MAMDC2: variants seen among roughly 807,000 people sequenced by gnomAD.
MAMDC2 encodes the protein MAM domain containing 2.
In MAMDC2, 57 loss-of-function variants were observed where a neutral mutation model predicts 89.8. The ratio of observed to expected loss-of-function variants is 0.63; its 90% CI spans 0.51 to 0.79. MAMDC2 has a LOEUF of 0.79. Ranked by LOEUF, MAMDC2 falls within the 30% of genes least tolerant of loss-of-function variation. The pLI, the probability that MAMDC2 is intolerant of heterozygous loss-of-function variation, is 0.00. For missense variants in MAMDC2, 800 were observed against 820.6 expected (o/e 0.97, Z 0.31); for synonymous variants, 313 against 293.4 (o/e 1.07, Z -0.68).
At chr9:70,166,789 T>C (rs2032191422) in intron 9 of MAMDC2, among the ~76,000 whole-genome samples, 1 of 152,198 alleles carries the variant, frequency 6.6e-6, no homozygotes, top group Admixed American at 6.5e-5. Context: ...ATGATTTAGA[T>C]GGTGAACCAT....
At chr9:70,182,319 T>C (rs1322146905) in intron 11 of MAMDC2, among the ~76,000 whole-genome samples, 1 of 152,196 alleles carries the variant, frequency 6.6e-6, no homozygotes, top group African/African-American at 2.4e-5. Context: ...AAATTTTCTT[T>C]TTTTGTTGTG....
At position 70,044,643 on chromosome 9, in the gene MAMDC2, A is replaced by C. The variant is rs760315733; in HGVS notation, c.94A>C (p.Thr32Pro). 5 of 1,551,466 alleles carry C rather than the reference A, an allele frequency of 3.2e-6. No homozygotes were observed. Among genetic ancestry groups the C allele is most frequent in the Non-Finnish European group, 3.5e-6 (4 of 1,146,986 alleles). The change falls in exon 2 of 14, where the codon ACT (threonine) becomes CCT (proline). Residue 32 changes from threonine (T) to proline (P), a missense_variant. Transcript: ENST00000377182. The part of the protein sequence containing the change: ...PAGSCAFEES[T>P]CGFDSVLASL... ...TGGGTCCTGTGCCTTTGAAGAGAGC[A>C]CTTGCGGCTTTGACTCCGTGTTGGC...
intron 9 of MAMDC2, 51 bp downstream of exon 9, chr9:70,143,870 T>C (rs767458466): frequency 4.1e-5 from 65 of 1,587,738 alleles, no homozygotes; most frequent in Non-Finnish European, 5.2e-5. Context: ...CTGGACTAGT[T>C]TTGTGAATGT....
intron 7 of MAMDC2, among the ~76,000 whole-genome samples, chr9:70,138,160 T>C (rs910494003): frequency 6.6e-5 from 10 of 152,190 alleles, no homozygotes; most frequent in Non-Finnish European, 1.2e-4. Context: ...ATGTAGTATT[T>C]GTGTTTCTGT....
intron 11 of MAMDC2, among the ~76,000 whole-genome samples, chr9:70,185,733 C>A (rs2032741306): frequency 6.6e-6 from 1 of 152,190 alleles, no homozygotes; most frequent in Non-Finnish European, 1.5e-5. Flanking sequence ...TCCTCTCACA[C>A]CAAACTCCAT....
chr9:70,208,133 A>G (rs2033270068), intron 11 of MAMDC2, among the ~76,000 whole-genome samples: 1 of 152,296 alleles, frequency 6.6e-6, no homozygotes, highest in Non-Finnish European at 1.5e-5. Context: ...TTGATTCCAC[A>G]TGAACTTTAA....
Position 70,221,374 on chromosome 9 carries a change from T to G in MAMDC2, c.1911+2778T>G, listed in dbSNP as rs1398535620. ...AACAACAAATATATATATATATATATATATATAGAGAGAGAGAGAGAGAGA... is the reference window on the plus strand; with the variant it reads ...AACAACAAATATATATATATATATAGATATATAGAGAGAGAGAGAGAGAGA... On this transcript the variant is annotated intron_variant, in intron 12 of 13. Transcript: ENST00000377182. Among the ~76,000 whole-genome samples, 33 of 6,482 alleles carry G rather than the reference T, an allele frequency of 5.1e-3. 1 individual carries two copies. The highest frequency in any genetic ancestry group is 0.011 in the African/African-American group (27 of 2,444). 4.3% of individuals were successfully genotyped at this position (6,482 alleles called of 152,430 possible).
At chr9:70,154,527 ATTTTTT>A (rs10710715) in intron 9 of MAMDC2, among the ~76,000 whole-genome samples, 1 of 135,854 alleles carries the variant, frequency 7.4e-6, no homozygotes, top group African/African-American at 2.8e-5. Context: ...ATTTGGAACA[ATTTTTT>A]TTTTTTTTTT....
chr9:70,199,852 T>C (rs1448004384), intron 11 of MAMDC2, among the ~76,000 whole-genome samples: 1 of 150,786 alleles, frequency 6.6e-6, no homozygotes, highest in Non-Finnish European at 1.5e-5. Flanking sequence ...ATGTCTTCTT[T>C]TGAGAAGTGT....
chr9:70,199,333 G>C (rs954637690), intron 11 of MAMDC2, among the ~76,000 whole-genome samples: 1 of 146,456 alleles, frequency 6.8e-6, no homozygotes, highest in Middle Eastern at 3.3e-3. Context: ...AGTTTACTGA[G>C]AATGATGATT....
At chr9:70,131,489 C>A in intron 6 of MAMDC2, 30 bp from the exon 7 acceptor site, 1 of 1,502,554 alleles carries the variant, frequency 6.7e-7, no homozygotes, top group Non-Finnish European at 9.1e-7. Flanking sequence ...AATATGTGAA[C>A]ATGTGACAGC....
At chr9:70,089,483 C>T (rs1827841026) in intron 2 of MAMDC2, among the ~76,000 whole-genome samples, 1 of 151,998 alleles carries the variant, frequency 6.6e-6, no homozygotes, top group Non-Finnish European at 1.5e-5. Flanking sequence ...GTTCAGTGTG[C>T]ACTCTAGTAG....
intron 2 of MAMDC2, chr9:70,086,646 T>TATTAACA (rs1383084396): frequency 6.6e-6 from 1 of 152,140 alleles, no homozygotes; most frequent in African/African-American, 2.4e-5. Context: ...AGATCATTGT[T>TATTAACA]ATTAACAATT....
chr9:70,198,175 TATATATACAC>T (rs1394563784), intron 11 of MAMDC2, among the ~76,000 whole-genome samples: 3 of 28,274 alleles, frequency 1.1e-4, no homozygotes, highest in Non-Finnish European at 8.7e-5. Context: ...TATATATATA[TATATATACAC>T]ACACACACAC....
chr9:70,154,963 C>T (rs1273397185), intron 9 of MAMDC2, among the ~76,000 whole-genome samples: 1 of 152,096 alleles, frequency 6.6e-6, no homozygotes, highest in Non-Finnish European at 1.5e-5. Context: ...CAATCCTTTC[C>T]CTGCCCCACA....
intron 8 of MAMDC2, among the ~76,000 whole-genome samples, chr9:70,142,696 G>T (rs1398175770): frequency 6.6e-6 from 1 of 152,080 alleles, no homozygotes; most frequent in Non-Finnish European, 1.5e-5. Context: ...ATGTCCTCTT[G>T]GTGTATGGAG....
Position 70,143,565 on chromosome 9 carries a change from C to G in MAMDC2, c.1150C>G (p.Leu384Val). 14 of 1,614,048 alleles carry G rather than the reference C, an allele frequency of 8.7e-6. No individual in the cohort carries two copies. Among genetic ancestry groups the G allele is most frequent in the Non-Finnish European group, 1.2e-5 (14 of 1,179,958 alleles). The part of the protein sequence containing the change: ...DHTTGLGYYL[L>V]ANTKFTSQPG... ...TATCTTCTTTGCAGGGTATTACCTGCTAGCCAACACAAAGTTCACATCTCA... is the reference window on the plus strand; with the variant it reads ...TATCTTCTTTGCAGGGTATTACCTGGTAGCCAACACAAAGTTCACATCTCA... Residue 384 changes from leucine to valine, a missense_variant, in exon 9 of 14, where the codon CTA (leucine) becomes GTA (valine). Physicochemically the swap from Leu to Val is conservative, Grantham distance 32. Transcript: ENST00000377182.
chr9:70,210,367 A>G (rs1454109599), intron 11 of MAMDC2, among the ~76,000 whole-genome samples: 2 of 152,026 alleles, frequency 1.3e-5, no homozygotes, highest in African/African-American at 4.8e-5. Context: ...TGTTGACTTG[A>G]TCCCTTTACC....
At chr9:70,217,882 G>C (rs1333637282) in intron 11 of MAMDC2, among the ~76,000 whole-genome samples, 1 of 152,154 alleles carries the variant, frequency 6.6e-6, no homozygotes, top group African/African-American at 2.4e-5. Flanking sequence ...ATCTTAAAAT[G>C]ATGAATGTAA....
Sources: allele counts gnomAD v4.1 joint callset (sites outside exome capture counted in the v4.1 genomes callset), GRCh38; gene constraint gnomAD v4.1.1; transcripts MANE v1.5; gene names NCBI Gene and HGNC (gene_info 2026-07-23, HGNC 2026-07-21).